Variants in SPATA6 observed in about 807,000 individuals in gnomAD.
SPATA6 encodes the protein spermatogenesis associated 6.
SPATA6 carries 56 observed loss-of-function variants against 65.3 expected under a neutral mutation model. The observed-to-expected ratio is 0.86, with a 90% CI of 0.69 to 1.07. SPATA6 has a LOEUF of 1.07. Ranked by LOEUF, SPATA6 falls within the 50% of genes least tolerant of loss-of-function variation. The probability of loss-of-function intolerance (pLI) is 0.00; values close to 1 mark genes in which losing one functional copy is unlikely to be tolerated. For synonymous variants in SPATA6, 199 were observed against 213.2 expected (o/e 0.93, Z 0.58); for missense variants, 590 against 594.8 (o/e 0.99, Z 0.08).
chr1:48,454,925 C>T (rs561199079), intron 1 of SPATA6, among the ~76,000 whole-genome samples: 3 of 152,316 alleles, frequency 2.0e-5, no homozygotes, highest in South Asian at 2.1e-4. Context: ...TCTTACCACA[C>T]TATTACGTTG....
chr1:48,460,151 A>C (rs1177058648), intron 1 of SPATA6, among the ~76,000 whole-genome samples: 1 of 151,792 alleles, frequency 6.6e-6, no homozygotes, highest in African/African-American at 2.4e-5. Flanking sequence ...TTTTTTTCAG[A>C]GATGGGGTCT....
chr1:48,443,423 G>A (rs559969531), intron 3 of SPATA6, among the ~76,000 whole-genome samples: 4 of 152,286 alleles, frequency 2.6e-5, no homozygotes, highest in African/African-American at 9.6e-5. Context: ...CACTGCTACA[G>A]GAACCAGAAA....
intron 9 of SPATA6, among the ~76,000 whole-genome samples, chr1:48,381,400 A>G (rs990005079): frequency 1.3e-5 from 2 of 152,210 alleles, no homozygotes; most frequent in African/African-American, 4.8e-5. Flanking sequence ...TAGTAGGCTT[A>G]GAATAAATAT....
intron 9 of SPATA6, among the ~76,000 whole-genome samples, chr1:48,369,989 T>C (rs1009373431): frequency 6.6e-6 from 1 of 152,222 alleles, no homozygotes; most frequent in Admixed American, 6.5e-5. Context: ...AAATCTATGA[T>C]ATGCAGAGTT....
downstream of SPATA6, among the ~76,000 whole-genome samples, chr1:48,292,658 C>A (rs1186162860): frequency 6.6e-6 from 1 of 152,222 alleles, no homozygotes; most frequent in African/African-American, 2.4e-5. Flanking sequence ...GCTGCAACAG[C>A]CAAAGCCAAT....
At chr1:48,284,645 C>T in the SPATA6 span, among the ~76,000 whole-genome samples, 1 of 151,966 alleles carries the variant, frequency 6.6e-6, no homozygotes, top group Non-Finnish European at 1.5e-5. Flanking sequence ...GATGGTGATG[C>T]TATTCTTTTC....
intron 3 of SPATA6, among the ~76,000 whole-genome samples, chr1:48,430,651 AT>A (rs1309266088): frequency 1.3e-5 from 2 of 152,188 alleles, no homozygotes; most frequent in African/African-American, 4.8e-5. Context: ...ATACTAGTAT[AT>A]TTTTTCAATT....
intron 6 of SPATA6, among the ~76,000 whole-genome samples, chr1:48,401,309 C>G (rs2147938408): frequency 6.6e-6 from 1 of 152,090 alleles, no homozygotes; most frequent in East Asian, 1.9e-4. Context: ...CTGATTATAT[C>G]AAACCTTAAT....
At chr1:48,371,650 T>C (rs544191265) in intron 9 of SPATA6, among the ~76,000 whole-genome samples, 1 of 152,336 alleles carries the variant, frequency 6.6e-6, no homozygotes, top group African/African-American at 2.4e-5. Flanking sequence ...AAACAAATTA[T>C]AACTGTACTA....
At chr1:48,470,145 T>A (rs1658125532) in intron 1 of SPATA6, among the ~76,000 whole-genome samples, 1 of 152,222 alleles carries the variant, frequency 6.6e-6, no homozygotes, top group African/African-American at 2.4e-5. Context: ...TCATTCACTT[T>A]TCTGCAATAC....
At chr1:48,313,408 G>T (rs1182313493) in intron 11 of SPATA6, among the ~76,000 whole-genome samples, 1 of 152,260 alleles carries the variant, frequency 6.6e-6, no homozygotes, top group South Asian at 2.1e-4. Flanking sequence ...TTAAAGAAAA[G>T]AATTTTCAAC....
chr1:48,327,808 T>C (rs1280155804), intron 11 of SPATA6, among the ~76,000 whole-genome samples: 1 of 152,118 alleles, frequency 6.6e-6, no homozygotes, highest in Non-Finnish European at 1.5e-5. Flanking sequence ...CATTGGAGAC[T>C]CCAAAAATGG....
chr1:48,423,204 C>T (rs1653512902), intron 3 of SPATA6, among the ~76,000 whole-genome samples: 1 of 152,082 alleles, frequency 6.6e-6, no homozygotes, highest in Non-Finnish European at 1.5e-5. Flanking sequence ...CACCTGTAAT[C>T]CCAGCACTTT....
chr1:48,318,546 A>G (rs1349736513), intron 11 of SPATA6, among the ~76,000 whole-genome samples: 2 of 152,156 alleles, frequency 1.3e-5, no homozygotes, highest in Non-Finnish European at 2.9e-5. Flanking sequence ...ATAACAAAAT[A>G]CTTAGGAGTA....
At chr1:48,394,107 G>A (rs886331719) in intron 8 of SPATA6, among the ~76,000 whole-genome samples, 2 of 152,088 alleles carry the variant, frequency 1.3e-5, no homozygotes, top group Non-Finnish European at 2.9e-5. Context: ...GATTCTGAGT[G>A]AAAGCTATAT....
At chr1:48,345,798 T>C (rs1483810041) in intron 11 of SPATA6, among the ~76,000 whole-genome samples, 1 of 152,034 alleles carries the variant, frequency 6.6e-6, no homozygotes, top group Admixed American at 6.6e-5. Context: ...AGGAAGAAAC[T>C]GAATCCCTGA....
At chr1:48,287,820 C>A in the SPATA6 span, among the ~76,000 whole-genome samples, 53 of 152,340 alleles carry the variant, frequency 3.5e-4, 1 homozygote, top group Non-Finnish European at 6.9e-4. Context: ...AACTAACACA[C>A]TGGGACTTCC....
In SPATA6 at chr1:48,376,180, G is replaced by C. The variant is rs528570101; in HGVS notation, c.909+9129C>G. ...CTCTTGCCTGCTTTCCTTTCCATCT[G>C]ACCTGCTAGAAACAAAAGTTCAGTA... is the stretch of plus-strand genomic sequence containing the variant. On this transcript the variant is annotated intron_variant, in intron 9 of 12. Transcript: ENST00000371847. Among the ~76,000 whole-genome samples the C allele has an allele frequency of 7.1e-4, 108 of 151,964 alleles. 1 individual carries two copies. The highest frequency in any genetic ancestry group is 3.4e-3 in the Middle Eastern group (1 of 292).
intron 11 of SPATA6, among the ~76,000 whole-genome samples, chr1:48,312,108 C>T (rs1645233255): frequency 6.6e-6 from 1 of 152,212 alleles, no homozygotes; most frequent in Non-Finnish European, 1.5e-5. Flanking sequence ...TCAAGGAGGC[C>T]TGCCTCCCAC....
Sources: gnomAD v4.1 joint callset for allele counts (sites outside exome capture counted in the v4.1 genomes callset) on GRCh38, gnomAD v4.1.1 for gene constraint, MANE v1.5 for transcripts, NCBI Gene and HGNC (gene_info 2026-07-23, HGNC 2026-07-21) for gene names.